ASIC2: variants seen among roughly 807,000 people sequenced by gnomAD.
ASIC2 encodes the protein acid sensing ion channel subunit 2, also known as acid-sensing ion channel 2.
A neutral mutation model predicts 57.3 loss-of-function variants in ASIC2; 25 were observed. The observed-to-expected ratio is 0.44, with a 90% CI of 0.32 to 0.61. The LOEUF is 0.61. Ranked by LOEUF, ASIC2 falls within the 20% of genes least tolerant of loss-of-function variation. The pLI is 0.06. For missense variants in ASIC2, 641 were observed against 738.1 expected, an observed-to-expected ratio of 0.87 and a Z score of 1.52; for synonymous variants, 319 against 307.5, an observed-to-expected ratio of 1.04 and a Z score of -0.39.
At chr17:34,012,030 C>G (rs891957964) in intron 1 of ASIC2, among the ~76,000 whole-genome samples, 1 of 152,194 alleles carries the variant, frequency 6.6e-6, no homozygotes, top group East Asian at 1.9e-4. Context: ...TTTCTCTGTT[C>G]TGCCACCACC....
At chr17:33,276,571 A>G (rs1259921263) in intron 1 of ASIC2, among the ~76,000 whole-genome samples, 1 of 152,254 alleles carries the variant, frequency 6.6e-6, no homozygotes, top group Non-Finnish European at 1.5e-5. Flanking sequence ...CCACAAAATC[A>G]GAAAAGGGAG....
At chr17:33,577,688 C>T (rs1387809217) in intron 1 of ASIC2, among the ~76,000 whole-genome samples, 1 of 152,128 alleles carries the variant, frequency 6.6e-6, no homozygotes, top group Non-Finnish European at 1.5e-5. Context: ...TTACCAGTCC[C>T]CTCATTCTCT....
At chr17:33,206,177 C>T (rs1907054204) in intron 1 of ASIC2, among the ~76,000 whole-genome samples, 1 of 152,168 alleles carries the variant, frequency 6.6e-6, no homozygotes, top group Admixed American at 6.5e-5. Context: ...ACAGCAGCAT[C>T]ATACTTCCCA....
Position 33,799,415 on chromosome 17 carries a change from CT to C in ASIC2, c.555+356562del, listed in dbSNP as rs1409362347. Reference sequence around the variant, plus strand: ...CTTTCTTTCTTTCTTTTCTTTCTTTCTTTCTTTCTTTCTTCTTTCTTTCTTT... The same window carrying C: ...CTTTCTTTCTTTCTTTTCTTTCTTTCTTCTTTCTTTCTTCTTTCTTTCTTT... On this transcript the variant is annotated intron_variant, in intron 1 of 9. Coordinates refer to the ASIC2 transcript ENST00000359872. Among the ~76,000 whole-genome samples, 484 of 64,408 alleles carry C rather than the reference CT, an allele frequency of 7.5e-3. 9 individuals carry two copies. The highest frequency in any genetic ancestry group is 0.017 in the Middle Eastern group (3 of 178). The allele number at this position is 64,408 out of a possible 152,430, so 42.3% of individuals were successfully genotyped here. A position where few individuals can be genotyped will look rare whatever the true frequency, so the allele number is the denominator to read the frequency against.
chr17:33,264,255 G>A (rs936392009), intron 1 of ASIC2, among the ~76,000 whole-genome samples: 1 of 152,186 alleles, frequency 6.6e-6, no homozygotes, highest in African/African-American at 2.4e-5. Context: ...CACTTCCATG[G>A]CAGCTCTTAC....
intron 1 of ASIC2, among the ~76,000 whole-genome samples, chr17:33,717,300 T>G (rs1909253206): frequency 6.6e-6 from 1 of 152,224 alleles, no homozygotes; most frequent in African/African-American, 2.4e-5. Flanking sequence ...AAAATAGTTT[T>G]CTTCCCGCTC....
At chr17:33,865,780 A>AAG (rs1914222074) in intron 1 of ASIC2, among the ~76,000 whole-genome samples, 1 of 93,862 alleles carries the variant, frequency 1.1e-5, no homozygotes, top group South Asian at 2.8e-4. Flanking sequence ...AACAAAAAAA[A>AAG]AAACGTTTTT....
intron 1 of ASIC2, among the ~76,000 whole-genome samples, chr17:33,825,347 CAGTGATCCTCTGGG>C (rs1361563508): frequency 2.6e-5 from 4 of 152,080 alleles, no homozygotes; most frequent in Non-Finnish European, 5.9e-5. Context: ...CCTAAAAAGG[CAGTGATCCTCTGGG>C]AGCACTGGAT....
intron 1 of ASIC2, among the ~76,000 whole-genome samples, chr17:33,538,553 G>A (rs2141966846): frequency 6.6e-6 from 1 of 152,302 alleles, no homozygotes; most frequent in African/African-American, 2.4e-5. Context: ...GGCAAAGCCG[G>A]GATAGAAACC....
intron 1 of ASIC2, among the ~76,000 whole-genome samples, chr17:33,561,505 C>T (rs10512447): frequency 0.066 from 10,048 of 152,206 alleles, 830 homozygotes; most frequent in African/African-American, 0.19. Flanking sequence ...TAATTAGCTT[C>T]GGTGATAGAA....
chr17:33,959,131 C>G (rs573482174), intron 1 of ASIC2, among the ~76,000 whole-genome samples: 1 of 152,318 alleles, frequency 6.6e-6, no homozygotes, highest in Non-Finnish European at 1.5e-5. Context: ...CAACAAGACT[C>G]TAGGAAGTTC....
At chr17:33,768,904 G>T (rs190787493) in intron 1 of ASIC2, among the ~76,000 whole-genome samples, 6 of 152,008 alleles carry the variant, frequency 3.9e-5, no homozygotes, top group Non-Finnish European at 5.9e-5. Context: ...TGCCCTTCCC[G>T]TTCCCTCTCC....
intron 1 of ASIC2, among the ~76,000 whole-genome samples, chr17:33,260,874 G>A (rs1909254986): frequency 2.0e-5 from 3 of 152,298 alleles, no homozygotes; most frequent in African/African-American, 2.4e-5. Context: ...CCAAACGCTG[G>A]CCTCCTGCTG....
intron 1 of ASIC2, among the ~76,000 whole-genome samples, chr17:33,941,890 G>A (rs1056091235): frequency 1.3e-5 from 2 of 152,196 alleles, no homozygotes; most frequent in Admixed American, 6.5e-5. Context: ...GCCAGAGAAA[G>A]GCTGTTTGGC....
chr17:33,336,134 G>A (rs1269993907), intron 1 of ASIC2, among the ~76,000 whole-genome samples: 1 of 151,914 alleles, frequency 6.6e-6, no homozygotes, highest in African/African-American at 2.4e-5. Flanking sequence ...TTCTGCTTGG[G>A]ACTTTGGATG....
intron 1 of ASIC2, among the ~76,000 whole-genome samples, chr17:33,322,725 G>A (rs1253042437): frequency 1.3e-5 from 2 of 152,116 alleles, no homozygotes; most frequent in Non-Finnish European, 2.9e-5. Flanking sequence ...AAATGAATAA[G>A]ATGGACTGGG....
intron 1 of ASIC2, chr17:33,533,625 G>C (rs771046660): frequency 2.6e-5 from 4 of 152,182 alleles, no homozygotes; most frequent in Non-Finnish European, 5.9e-5. Context: ...AGGATAAAAA[G>C]TCTGCCCCAT....
intron 1 of ASIC2, among the ~76,000 whole-genome samples, chr17:33,272,767 C>A (rs1005211489): frequency 6.6e-6 from 1 of 152,112 alleles, no homozygotes; most frequent in Non-Finnish European, 1.5e-5. Context: ...TTACATTGAA[C>A]AAAACAATTT....
intron 1 of ASIC2, among the ~76,000 whole-genome samples, chr17:33,571,066 C>A (rs1916419010): frequency 6.6e-6 from 1 of 152,146 alleles, no homozygotes; most frequent in Admixed American, 6.5e-5. Context: ...CAATTCCCCA[C>A]CTCATCTACC....
Sources: allele counts gnomAD v4.1 joint callset (sites outside exome capture counted in the v4.1 genomes callset), GRCh38; gene constraint gnomAD v4.1.1; transcripts MANE v1.5; gene names NCBI Gene and HGNC (gene_info 2026-07-23, HGNC 2026-07-21).